The following DOT1L variants were observed in gnomAD, a reference collection of about 807,000 sequenced individuals.
The protein encoded by DOT1L is histone-lysine N-methyltransferase, H3 lysine-79 specific.
Under a neutral mutation model 153.3 loss-of-function variants are expected in DOT1L, and 33 were observed. The ratio of observed to expected loss-of-function variants is 0.22; its 90% CI spans 0.16 to 0.29. The LOEUF (loss-of-function observed/expected upper bound fraction) is 0.29, where lower values mean the gene tolerates loss of function less well. DOT1L is among the 10% of genes least tolerant of loss of function. The probability of loss-of-function intolerance (pLI) is 1.00; values close to 1 mark genes in which losing one functional copy is unlikely to be tolerated. For missense variants in DOT1L, 1,847 were observed against 2,119.9 expected (o/e 0.87, Z 2.53); for synonymous variants, 1,135 against 965.1 (o/e 1.18, Z -3.26).
At chr19:2,176,315 G>A (rs752989585) in intron 1 of DOT1L, among the ~76,000 whole-genome samples, 1 of 152,204 alleles carries the variant, frequency 6.6e-6, no homozygotes, top group Admixed American at 6.5e-5. Context: ...GGGGTGCACT[G>A]CCTGGTGGGG....
At chr19:2,186,212 C>T (rs1157928146) in intron 3 of DOT1L, among the ~76,000 whole-genome samples, 3 of 152,380 alleles carry the variant, frequency 2.0e-5, no homozygotes, top group East Asian at 1.9e-4. Flanking sequence ...CTTTTTATAG[C>T]GGGCGGCTGA....
rs1438675802 is a variant in DOT1L, at chr19:2,222,086, A to T, written c.2917A>T (p.Ser973Cys). 1 of 1,613,286 alleles carries T rather than the reference A, an allele frequency of 6.2e-7. No individual in the cohort carries two copies. The highest frequency in any genetic ancestry group is 8.5e-7 in the Non-Finnish European group (1 of 1,179,892). The part of the protein sequence containing the change: ...ATLDESSSSG[S>C]LFATVGSRSS... Reference sequence around the variant, plus strand: ...CTTGGATGAGTCCTCCAGCTCTGGGAGCCTTTTTGCCACCGTGGGGTCCCG... The same window carrying T: ...CTTGGATGAGTCCTCCAGCTCTGGGTGCCTTTTTGCCACCGTGGGGTCCCG... Residue 973 changes from serine to cysteine, a missense_variant, in exon 24 of 28, where the codon AGC (serine) becomes TGC (cysteine). This residue lies in a region of DOT1L where 934 missense variants were observed against 825.3 expected (regional missense o/e 1.13). Transcript: ENST00000398665. The surrounding 1 kb of genome is among the most constrained non-coding windows in gnomAD (Gnocchi z 6.5).
At position 2,226,997 on chromosome 19, in the gene DOT1L, C is replaced by G. The variant is rs779547805; in HGVS notation, c.4476C>G (p.Ser1492=). 1.3e-6 allele frequency: 2 copies of G among 1,592,108 alleles called. No homozygotes were observed. Among genetic ancestry groups the G allele is most frequent in the Admixed American group, 1.7e-5 (1 of 59,536 alleles). The change falls in exon 27 of 28, where the codon TCC becomes TCG. Residue 1492 remains serine (S), a synonymous_variant. Transcript: ENST00000398665. ...QANLGSVAGS[S]VLQSLFSSVP... ...ACCTCGGCTCCGTGGCCGGCTCCTC[C>G]GTGCTGCAGTCGCTGTTCAGCTCTG... is the stretch of plus-strand genomic sequence containing the variant.
At chr19:2,167,052 A>G (rs138336795) in intron 1 of DOT1L, among the ~76,000 whole-genome samples, 8 of 152,216 alleles carry the variant, frequency 5.3e-5, no homozygotes, top group Non-Finnish European at 1.2e-4. Context: ...GCTGACTGTA[A>G]ATCCATTGGA....
In DOT1L at chr19:2,221,994, C is replaced by T. The variant is rs909067830; in HGVS notation, c.2825C>T (p.Ser942Leu). 3.5e-5 allele frequency: 56 copies of T among 1,609,062 alleles called. No individual in the cohort carries two copies. Among genetic ancestry groups the T allele is most frequent in the Non-Finnish European group, 4.2e-5 (50 of 1,177,986 alleles). ...CCGGCAGGCTTCTCCTACGCTGGCT[C>T]GGTGGCCATCAGCGGGGCCTTGGCG... is the stretch of plus-strand genomic sequence containing the variant. ...LAPAGFSYAG[S>L]VAISGALAGS... Residue 942 changes from serine to leucine, a missense_variant, in exon 24 of 28, where the codon TCG becomes TTG. Ser to Leu is a moderately radical substitution (Grantham distance 145). Coordinates refer to ENST00000398665, the MANE Select transcript of DOT1L (RefSeq NM_032482.3).
At chr19:2,219,360 C>T (rs2024027849) in intron 22 of DOT1L, among the ~76,000 whole-genome samples, 1 of 152,136 alleles carries the variant, frequency 6.6e-6, no homozygotes, top group Admixed American at 6.6e-5. Flanking sequence ...TTTCTTCACC[C>T]GGGAAAAAGC....
At chr19:2,200,025 C>T in intron 8 of DOT1L, 86 bp downstream of exon 8, 2 of 1,523,814 alleles carry the variant, frequency 1.3e-6, no homozygotes, top group Non-Finnish European at 1.8e-6. Flanking sequence ...CGGGAGCGGC[C>T]CCTCGCTCCT....
At chr19:2,165,881 G>T (rs1049974060) in intron 1 of DOT1L, among the ~76,000 whole-genome samples, 4 of 151,180 alleles carry the variant, frequency 2.6e-5, no homozygotes, top group African/African-American at 9.7e-5. Flanking sequence ...CCATTCTCCT[G>T]CCTCAGCCTC....
intron 1 of DOT1L, among the ~76,000 whole-genome samples, chr19:2,172,162 C>T (rs968457824): frequency 1.8e-4 from 27 of 151,692 alleles, no homozygotes; most frequent in Non-Finnish European, 3.8e-4. Context: ...ACTCCTCGGA[C>T]GCACTTTTCT....
At chr19:2,228,185 C>T (rs1364437463) in intron 27 of DOT1L, 3 of 1,365,400 alleles carry the variant, frequency 2.2e-6, no homozygotes, top group Non-Finnish European at 2.9e-6. Flanking sequence ...AGGGCGCCCG[C>T]CCCTCCTTCA....
intron 23 of DOT1L, chr19:2,221,480 C>A (rs1235652708): frequency 6.3e-6 from 1 of 158,412 alleles, no homozygotes; most frequent in East Asian, 1.9e-4. Flanking sequence ...CGCCCTTTGT[C>A]CCCGGGTGGT....
At position 2,197,840 on chromosome 19, in the gene DOT1L, C is replaced by T. The variant is rs1178357414; in HGVS notation, c.652-2044C>T. 2.6e-5 allele frequency among the ~76,000 whole-genome samples: 4 copies of T among 152,206 alleles called. No homozygotes were observed. The highest frequency in any genetic ancestry group is 1.9e-4 in the East Asian group (1 of 5,196). ...GTCCTGTTTACAGCCAACCCTGCTG[C>T]GGAGGGTGGGTCAGAGAGGCTTCCA... is the stretch of plus-strand genomic sequence containing the variant. On this transcript the variant is annotated intron_variant, in intron 7 of 27. Transcript: ENST00000398665. This position sits in a 1 kb window ranked among gnomAD's most constrained non-coding sequence, Gnocchi z 4.1.
rs777324633 is a variant in DOT1L at position 2,211,152 on chromosome 19, C to T, written c.1405C>T (p.Arg469Trp). 33 of 1,612,796 alleles carry T rather than the reference C, an allele frequency of 2.0e-5. No individual in the cohort carries two copies. Among genetic ancestry groups the T allele is most frequent in the South Asian group, 1.5e-4 (14 of 91,058 alleles). Residue 469 changes from arginine (R) to tryptophan (W), a missense_variant, in exon 15 of 28, where the codon CGG becomes TGG. Around this residue, in one of 8 missense-constraint regions of DOT1L, gnomAD observed 205 missense variants for 203.1 expected, o/e 1.01. Transcript: ENST00000398665. ...PFYQLPPSVQRHSPNPLLVAP... is the reference protein window; with the variant it reads ...PFYQLPPSVQWHSPNPLLVAP... ...CTACCAGCTACCTCCGAGCGTGCAG[C>T]GGCACTCCCCCAACCCGCTGCTGGT...
chr19:2,181,603 C>T (rs1013615271), intron 2 of DOT1L, among the ~76,000 whole-genome samples: 2 of 152,060 alleles, frequency 1.3e-5, no homozygotes, highest in South Asian at 2.1e-4. Flanking sequence ...ACCCAGGGTC[C>T]GTGCTTAGAA....
intron 2 of DOT1L, among the ~76,000 whole-genome samples, chr19:2,185,201 G>A (rs2022437179): frequency 6.6e-6 from 1 of 152,118 alleles, no homozygotes; most frequent in Non-Finnish European, 1.5e-5. Flanking sequence ...ACCGCACCCG[G>A]CACCAGTTGG....
In DOT1L at chr19:2,231,998, T is replaced by A. The variant is rs2024619825; in HGVS notation, c.*2206T>A. 1 of 208,886 alleles carries A rather than the reference T, an allele frequency of 4.8e-6. No homozygotes were observed. The highest frequency in any genetic ancestry group is 9.7e-6 in the Non-Finnish European group (1 of 102,610). 12.9% of individuals were successfully genotyped at this position (208,886 alleles called of 1,614,324 possible). On this transcript the variant is annotated 3_prime_UTR_variant, in exon 28 of 28. Transcript: ENST00000398665. ...TGGCTGCCTGCGGACACCCTCCTGT[T>A]CTGAGCCCTGGGCCTGTGTTCTTCT... is the stretch of plus-strand genomic sequence containing the variant.
At chr19:2,205,692 T>A (rs2023465066) in intron 9 of DOT1L, among the ~76,000 whole-genome samples, 1 of 152,086 alleles carries the variant, frequency 6.6e-6, no homozygotes, top group African/African-American at 2.4e-5. Context: ...AAACCTTAGT[T>A]TTTTGTTTTG....
At chr19:2,187,778 C>G (rs541229328) in intron 3 of DOT1L, among the ~76,000 whole-genome samples, 2 of 152,214 alleles carry the variant, frequency 1.3e-5, no homozygotes, top group Admixed American at 6.5e-5. Context: ...AAAAATTAGC[C>G]GGGCGTGGTG....
intron 3 of DOT1L, among the ~76,000 whole-genome samples, chr19:2,187,881 C>T (rs374559168): frequency 1.3e-5 from 2 of 149,154 alleles, no homozygotes; most frequent in East Asian, 2.0e-4. Flanking sequence ...GAGATCGCGC[C>T]ACCGCACTCC....
Sources: gnomAD v4.1 joint callset for allele counts (sites outside exome capture counted in the v4.1 genomes callset) on GRCh38, gnomAD v4.1.1 for gene constraint, gnomAD v4.1.1 regional missense constraint, Gnocchi (gnomAD v3.1) non-coding constraint, MANE v1.5 for transcripts, NCBI Gene and HGNC (gene_info 2026-07-23, HGNC 2026-07-21) for gene names.